Variants in ERC1 observed in about 807,000 individuals in gnomAD.
The protein encoded by ERC1 is RAB6 interacting protein 2.
ERC1 carries 56 observed loss-of-function variants against 132.0 expected under a neutral mutation model. The ratio of observed to expected loss-of-function variants is 0.42; its 90% CI spans 0.34 to 0.53. The LOEUF (loss-of-function observed/expected upper bound fraction) is 0.53, where lower values mean the gene tolerates loss of function less well. Among genes scored for constraint, ERC1 ranks in the 20% least tolerant of loss-of-function variants. The pLI is 0.03. For synonymous variants in ERC1, 478 were observed against 476.1 expected (o/e 1.00, Z -0.05); for missense variants, 1,202 against 1,349.9 (o/e 0.89, Z 1.72).
intron 16 of ERC1, among the ~76,000 whole-genome samples, chr12:1,401,426 G>A (rs73597943): frequency 0.15 from 23,558 of 152,040 alleles, 2,855 homozygotes; most frequent in African/African-American, 0.34. Context: ...GGACATGGAT[G>A]TATGGGTTTT....
At chr12:1,269,132 C>CAA (rs2077655268) in intron 14 of ERC1, among the ~76,000 whole-genome samples, 1 of 152,196 alleles carries the variant, frequency 6.6e-6, no homozygotes, top group Admixed American at 6.5e-5. Context: ...CTGGACAATA[C>CAA]ATACTGATAA....
intron 3 of ERC1, among the ~76,000 whole-genome samples, chr12:1,085,351 A>ATTG: frequency 1.2e-4 from 1 of 8,352 alleles, no homozygotes; most frequent in African/African-American, 6.5e-4. Context: ...TATTATTATT[A>ATTG]TTGTTGTTGT....
chr12:1,065,511 T>TGTGTGTGC (rs1257446142), intron 2 of ERC1, among the ~76,000 whole-genome samples: 1 of 149,024 alleles, frequency 6.7e-6, no homozygotes, highest in Non-Finnish European at 1.5e-5. Context: ...TGTGTGTGTG[T>TGTGTGTGC]GTGTGTGTGT....
chr12:1,112,306 C>T lies in ERC1; in HGVS notation c.1401+8C>T. On this transcript the variant is annotated splice_region_variant and intron_variant, in intron 6 of 18. Coordinates refer to ENST00000360905, the MANE Select transcript of ERC1 (RefSeq NM_178040.4). ...GCTGGTCTTCAGGCTGAGGTCTTTG[C>T]CGTAAGATTTACCTCTTTGTGTGCA... is the stretch of plus-strand genomic sequence containing the variant. 1 of 1,606,170 alleles carries T rather than the reference C, an allele frequency of 6.2e-7. No homozygotes were observed. Among genetic ancestry groups the T allele is most frequent in the Non-Finnish European group, 8.5e-7 (1 of 1,173,276 alleles).
At chr12:1,431,955 G>A (rs1007152805) in intron 17 of ERC1, among the ~76,000 whole-genome samples, 6 of 152,262 alleles carry the variant, frequency 3.9e-5, no homozygotes, top group African/African-American at 1.2e-4. Flanking sequence ...GTTCCCTGCA[G>A]CCTCAACCTC....
chr12:1,266,568 C>T (rs1369937243), intron 14 of ERC1, among the ~76,000 whole-genome samples: 2 of 151,634 alleles, frequency 1.3e-5, no homozygotes, highest in Non-Finnish European at 2.9e-5. Flanking sequence ...CCACGCCCAG[C>T]TAATTTTTGT....
At chr12:1,264,053 T>C (rs1253830509) in intron 14 of ERC1, among the ~76,000 whole-genome samples, 1 of 152,178 alleles carries the variant, frequency 6.6e-6, no homozygotes, top group Non-Finnish European at 1.5e-5. Context: ...TAATATTTTA[T>C]TCATTTCATA....
intron 15 of ERC1, among the ~76,000 whole-genome samples, chr12:1,350,552 C>A (rs1027998344): frequency 1.3e-5 from 2 of 152,090 alleles, no homozygotes; most frequent in Admixed American, 6.6e-5. Flanking sequence ...TGGGATGGGC[C>A]TTTAACTGGG....
intron 15 of ERC1, among the ~76,000 whole-genome samples, chr12:1,367,033 C>G (rs1440691210): frequency 6.6e-6 from 1 of 152,156 alleles, no homozygotes; most frequent in East Asian, 1.9e-4. Flanking sequence ...AGTAGTGTAT[C>G]TACCATAGTC....
intron 1 of ERC1, among the ~76,000 whole-genome samples, chr12:1,018,497 G>A (rs1965870255): frequency 6.6e-6 from 1 of 152,212 alleles, no homozygotes; most frequent in African/African-American, 2.4e-5. Flanking sequence ...TTACAGGCGT[G>A]AGCCACCACA....
rs56939346 is a variant in ERC1 at position 1,493,548 on chromosome 12, A to AAAAAAAATATAT, written c.*3319_*3320insAAAAAATATATA. The AAAAAAAATATAT allele has an allele frequency of 1.5e-4, 2 of 13,622 alleles. No homozygotes were observed. Among genetic ancestry groups the AAAAAAAATATAT allele is most frequent in the African/African-American group, 2.2e-4 (1 of 4,564 alleles). The allele number at this position is 13,622 out of a possible 1,614,324, so 0.8% of individuals were successfully genotyped here. A position where few individuals can be genotyped will look rare whatever the true frequency, so the allele number is the denominator to read the frequency against. On this transcript the variant is annotated 3_prime_UTR_variant, in exon 19 of 19. Coordinates refer to ENST00000360905, the MANE Select transcript of ERC1 (RefSeq NM_178040.4). ...ACTCCATTTAAAAAAAAAAAAAAAA[A>AAAAAAAATATAT]ATATATATATATATATATATATATA...
chr12:1,459,690 C>T (rs1642871310), intron 18 of ERC1, among the ~76,000 whole-genome samples: 1 of 152,124 alleles, frequency 6.6e-6, no homozygotes, highest in Non-Finnish European at 1.5e-5. Flanking sequence ...GAAAGTATCT[C>T]GTCAAACACA....
intron 15 of ERC1, among the ~76,000 whole-genome samples, chr12:1,293,318 T>C (rs1483322566): frequency 6.7e-6 from 1 of 148,866 alleles, no homozygotes; most frequent in Non-Finnish European, 1.5e-5. Flanking sequence ...CCAGGCGTGG[T>C]GGCGGGCGCC....
chr12:1,225,326 T>C (rs2154297158), intron 12 of ERC1, among the ~76,000 whole-genome samples: 1 of 152,124 alleles, frequency 6.6e-6, no homozygotes, highest in South Asian at 2.1e-4. Context: ...GATGTGTGCC[T>C]ATAGTCCCAG....
chr12:1,210,549 A>G (rs1009980698), intron 12 of ERC1, among the ~76,000 whole-genome samples: 1 of 152,140 alleles, frequency 6.6e-6, no homozygotes, highest in African/African-American at 2.4e-5. Context: ...GTGTAATGGG[A>G]TTCAGAAACT....
chr12:1,268,707 A>G (rs905186037), intron 14 of ERC1, among the ~76,000 whole-genome samples: 2 of 152,340 alleles, frequency 1.3e-5, no homozygotes, highest in African/African-American at 2.4e-5. Flanking sequence ...CAGAGTTTGC[A>G]GTGAGCTGAG....
chr12:1,220,394 G>A (rs1342450600), intron 12 of ERC1, among the ~76,000 whole-genome samples: 2 of 152,214 alleles, frequency 1.3e-5, no homozygotes, highest in Non-Finnish European at 2.9e-5. Context: ...TTGCTGAATA[G>A]ATGTGCGAGG....
chr12:1,346,789 A>C (rs958609288), intron 15 of ERC1, among the ~76,000 whole-genome samples: 2 of 150,582 alleles, frequency 1.3e-5, no homozygotes, highest in Non-Finnish European at 1.5e-5. Flanking sequence ...AAAAATACAA[A>C]AAATTAGCCG....
At chr12:1,411,511 G>A (rs931513691) in intron 17 of ERC1, among the ~76,000 whole-genome samples, 1 of 152,062 alleles carries the variant, frequency 6.6e-6, no homozygotes, top group Non-Finnish European at 1.5e-5. Flanking sequence ...TGTCCAGATG[G>A]CTTTATCCTG....
Sources: allele counts gnomAD v4.1 joint callset (sites outside exome capture counted in the v4.1 genomes callset), GRCh38; gene constraint gnomAD v4.1.1; transcripts MANE v1.5; gene names NCBI Gene and HGNC (gene_info 2026-07-23, HGNC 2026-07-21).